Variants in PPP1R3B observed in about 807,000 individuals in gnomAD.
The protein encoded by PPP1R3B is protein phosphatase 1 regulatory subunit 3B.
A neutral mutation model predicts 14.6 loss-of-function variants in PPP1R3B; 8 were observed. The observed-to-expected ratio is 0.55, with a 90% CI of 0.32 to 0.99. The LOEUF is 0.99. Ranked by LOEUF, PPP1R3B falls within the 50% of genes least tolerant of loss-of-function variation. The pLI is 0.04. For synonymous variants in PPP1R3B, 169 were observed against 142.0 expected (o/e 1.19, Z -1.35); for missense variants, 452 against 360.1 (o/e 1.26, Z -2.07).
chr8:9,151,224 G>T (rs1168756427), upstream of PPP1R3B: 1 of 152,602 alleles, frequency 6.6e-6, no homozygotes, highest in Non-Finnish European at 1.5e-5. Context: ...CAGCCCCGGT[G>T]TGCCAGTGCA....
intron 1 of PPP1R3B, among the ~76,000 whole-genome samples, chr8:9,143,922 A>C (rs879761453): frequency 6.6e-6 from 1 of 152,176 alleles, no homozygotes; most frequent in Non-Finnish European, 1.5e-5. Flanking sequence ...AAACTGTGAA[A>C]ATATTTTACA....
In PPP1R3B at chr8:9,139,828, C is replaced by G. The variant is rs1023506388; in HGVS notation, c.*966G>C. 1 of 152,302 alleles carries G rather than the reference C, an allele frequency of 6.6e-6. No homozygotes were observed. The highest frequency in any genetic ancestry group is 2.4e-5 in the African/African-American group (1 of 41,468). 9.4% of individuals were successfully genotyped at this position (152,302 alleles called of 1,614,324 possible). A position where few individuals can be genotyped will look rare whatever the true frequency, so the allele number is the denominator to read the frequency against. On this transcript the variant is annotated 3_prime_UTR_variant, in exon 2 of 2. Coordinates refer to ENST00000310455, the MANE Select transcript of PPP1R3B (RefSeq NM_024607.4). ...CCTCCCAAAGTGCTGGGATTACAGG[C>G]ATAAGCCACCGCGCCCGGCCCCAAA...
At position 9,140,969 on chromosome 8, in the gene PPP1R3B, T is replaced by C. The variant is rs1801059681; in HGVS notation, c.683A>G (p.Lys228Arg). 1 of 1,614,116 alleles carries C rather than the reference T, an allele frequency of 6.2e-7. No homozygotes were observed. Among genetic ancestry groups the C allele is most frequent in the Admixed American group, 1.7e-5 (1 of 60,008 alleles). The change falls in exon 2 of 2, where the codon AAG (lysine) becomes AGG (arginine). Residue 228 changes from lysine to arginine, a missense_variant. Coordinates refer to ENST00000310455, the MANE Select transcript of PPP1R3B (RefSeq NM_024607.4). ...CTCAGCCCGGATGATCCTATAGTTC[T>C]TGCCTCTGTTGCTGTCCCAGTACGT... ...GQTYWDSNRG[K>R]NYRIIRAELK... is the part of the protein sequence containing the mutation.
chr8:9,146,987 A>ATT (rs879277011), intron 1 of PPP1R3B, among the ~76,000 whole-genome samples: 1 of 147,206 alleles, frequency 6.8e-6, no homozygotes, highest in Non-Finnish European at 1.5e-5. Context: ...CTTATTTTTA[A>ATT]TTTTTTTTTT....
At chr8:9,142,724 T>C (rs556497872) in intron 1 of PPP1R3B, among the ~76,000 whole-genome samples, 3 of 152,118 alleles carry the variant, frequency 2.0e-5, no homozygotes, top group African/African-American at 7.2e-5. Context: ...TTCTATGAGT[T>C]TGACTTTTTC....
intron 1 of PPP1R3B, among the ~76,000 whole-genome samples, chr8:9,142,658 A>T (rs1324415593): frequency 6.6e-6 from 1 of 152,042 alleles, no homozygotes; most frequent in African/African-American, 2.4e-5. Context: ...TGGCCAAAGG[A>T]TACCTCTCCA....
In PPP1R3B at chr8:9,139,855, T is replaced by C. The variant is rs1801011295; in HGVS notation, c.*939A>G. On this transcript the variant is annotated 3_prime_UTR_variant, in exon 2 of 2. Coordinates refer to ENST00000310455, the MANE Select transcript of PPP1R3B (RefSeq NM_024607.4). ...TAAGCCACCGCGCCCGGCCCCAAAA[T>C]TCTTTCATAAAGAATGAGACAAACC... 2 of 152,214 alleles carry C rather than the reference T, an allele frequency of 1.3e-5. No homozygotes were observed. Among genetic ancestry groups the C allele is most frequent in the African/African-American group, 4.8e-5 (2 of 41,440 alleles). 9.4% of individuals were successfully genotyped at this position (152,214 alleles called of 1,614,324 possible).
chr8:9,141,647 A>G lies in PPP1R3B; in HGVS notation c.5T>C (p.Met2Thr), dbSNP rs1410132710. The G allele has an allele frequency of 6.2e-7, 1 of 1,613,042 alleles. No homozygotes were observed. The highest frequency in any genetic ancestry group is 2.2e-5 in the East Asian group (1 of 44,860). M[M>T]AVDIEYRYNC... ...GTATCTGTACTCGATGTCCACAGCC[A>G]TCATGGGGCTAGATGAACAGGCTAG... is the stretch of plus-strand genomic sequence containing the variant. Residue 2 changes from methionine (M) to threonine (T), a missense_variant, in exon 2 of 2, where the codon ATG becomes ACG. Transcript: ENST00000310455.
chr8:9,142,917 C>T (rs1801130557), intron 1 of PPP1R3B, among the ~76,000 whole-genome samples: 1 of 152,196 alleles, frequency 6.6e-6, no homozygotes, highest in Non-Finnish European at 1.5e-5. Flanking sequence ...CAATGATGGG[C>T]ACTTAGGTTG....
chr8:9,140,920 G>C lies in PPP1R3B; in HGVS notation c.732C>G (p.Thr244=). Residue 244 remains threonine (T), a synonymous_variant, in exon 2 of 2, where the codon ACC becomes ACG. Coordinates refer to ENST00000310455, the MANE Select transcript of PPP1R3B (RefSeq NM_024607.4). ...CCAAATCCGGTCCACTGTGGGGCTT[G>C]GTCATTCCCTGGGTAGATTTTAACT... ...RAELKSTQGM[T]KPHSGPDLGI... is the part of the protein sequence containing the mutation. 1.2e-6 allele frequency: 2 copies of C among 1,614,200 alleles called. No individual in the cohort carries two copies. The highest frequency in any genetic ancestry group is 1.7e-6 in the Non-Finnish European group (2 of 1,180,034).
At chr8:9,144,185 CTT>C (rs1007236802) in intron 1 of PPP1R3B, among the ~76,000 whole-genome samples, 16 of 135,024 alleles carry the variant, frequency 1.2e-4, no homozygotes, top group Middle Eastern at 3.8e-3. Context: ...ACAAGTTTTT[CTT>C]TTTTTTTTTT....
chr8:9,140,806 C>T lies in PPP1R3B; in HGVS notation c.846G>A (p.Gly282=). 16 of 1,613,996 alleles carry T rather than the reference C, an allele frequency of 9.9e-6. No homozygotes were observed. Among genetic ancestry groups the T allele is most frequent in the Non-Finnish European group, 1.4e-5 (16 of 1,179,986 alleles). The change falls in exon 2 of 2, where the codon GGG becomes GGA. Residue 282 remains glycine, a synonymous_variant. Transcript: ENST00000310455. ...WPSYLGYEKL[G]PYY ...TCACCTGCAGTCACTAGTAGTAGGG[C>T]CCTAGCTTTTCATATCCTAAGTAAC... is the stretch of plus-strand genomic sequence containing the variant.
chr8:9,142,659 T>C lies in PPP1R3B; in HGVS notation c.-17-991A>G, dbSNP rs1399263501. 3.9e-5 allele frequency among the ~76,000 whole-genome samples: 6 copies of C among 152,168 alleles called. 1 individual carries two copies. Among genetic ancestry groups the C allele is most frequent in the Non-Finnish European group, 8.8e-5 (6 of 68,020 alleles). On this transcript the variant is annotated intron_variant, in intron 1 of 1. Transcript: ENST00000310455. The stretch of plus-strand genomic sequence containing the variant: ...AATTTTGTATCCTTTGGCCAAAGGA[T>C]ACCTCTCCAGTCCCTCTACCCTCAC...
chr8:9,140,713 C>A lies in PPP1R3B; in HGVS notation c.*81G>T. The A allele has an allele frequency of 6.8e-7, 1 of 1,480,842 alleles. No individual in the cohort carries two copies. The highest frequency in any genetic ancestry group is 9.2e-7 in the Non-Finnish European group (1 of 1,089,954). The allele number at this position is 1,480,842 out of a possible 1,614,324, so 91.7% of individuals were successfully genotyped here. The stretch of plus-strand genomic sequence containing the variant: ...CATGGAAGTTCCACGTTGCTCCTCC[C>A]TGGCCTTCCATCTCCACTGCACAGT... On this transcript the variant is annotated 3_prime_UTR_variant, in exon 2 of 2. Transcript: ENST00000310455.
chr8:9,140,779 T>G lies in PPP1R3B; in HGVS notation c.*15A>C. ...TGTCTGTGGCAGCTCCGCCACGCCC[T>G]GTCACCTGCAGTCACTAGTAGTAGG... On this transcript the variant is annotated 3_prime_UTR_variant, in exon 2 of 2. Coordinates refer to ENST00000310455, the MANE Select transcript of PPP1R3B (RefSeq NM_024607.4). 6.2e-6 allele frequency: 10 copies of G among 1,611,642 alleles called. No individual in the cohort carries two copies. Among genetic ancestry groups the G allele is most frequent in the Non-Finnish European group, 8.5e-6 (10 of 1,178,392 alleles).
Position 9,138,188 on chromosome 8 carries a change from G to C in PPP1R3B, c.*2606C>G, listed in dbSNP as rs922187531. ...ATCAGTTTTGCTTCCATTTGAGTTC[G>C]ATTTATGCTATTAATAGTTCTGATC... On this transcript the variant is annotated 3_prime_UTR_variant, in exon 2 of 2. Transcript: ENST00000310455. 6.6e-6 allele frequency: 1 copy of C among 152,072 alleles called. No individual in the cohort carries two copies. The highest frequency in any genetic ancestry group is 2.1e-4 in the South Asian group (1 of 4,826). The allele number at this position is 152,072 out of a possible 1,614,324, so 9.4% of individuals were successfully genotyped here.
rs1563121877 is a variant in PPP1R3B at position 9,137,297 on chromosome 8, G to A, written c.*3497C>T. Reference sequence around the variant, plus strand: ...ACCCAGTTTGCAAATGCTCCTCAGGGCACTTGAGGGAATAAATATAAAACA... The same window carrying A: ...ACCCAGTTTGCAAATGCTCCTCAGGACACTTGAGGGAATAAATATAAAACA... On this transcript the variant is annotated 3_prime_UTR_variant, in exon 2 of 2. Transcript: ENST00000310455. 6.6e-6 allele frequency: 1 copy of A among 152,094 alleles called. No homozygotes were observed. The highest frequency in any genetic ancestry group is 1.5e-5 in the Non-Finnish European group (1 of 68,028). The allele number at this position is 152,094 out of a possible 1,614,324, so 9.4% of individuals were successfully genotyped here.
At position 9,138,288 on chromosome 8, in the gene PPP1R3B, A is replaced by G. The variant is rs1800958515; in HGVS notation, c.*2506T>C. The G allele has an allele frequency of 6.6e-6, 1 of 152,236 alleles. No homozygotes were observed. Among genetic ancestry groups the G allele is most frequent in the Admixed American group, 6.5e-5 (1 of 15,278 alleles). 9.4% of individuals were successfully genotyped at this position (152,236 alleles called of 1,614,324 possible). A position where few individuals can be genotyped will look rare whatever the true frequency, so the allele number is the denominator to read the frequency against. On this transcript the variant is annotated 3_prime_UTR_variant, in exon 2 of 2. Coordinates refer to ENST00000310455, the MANE Select transcript of PPP1R3B (RefSeq NM_024607.4). ...GTTTACATAAAACGTGGTTCTGCCC[A>G]GTAACAGCATAAGGTAAAAATGTGA... is the stretch of plus-strand genomic sequence containing the variant.
intron 1 of PPP1R3B, among the ~76,000 whole-genome samples, chr8:9,144,539 T>C (rs1324354415): frequency 6.6e-6 from 1 of 152,190 alleles, no homozygotes. Flanking sequence ...AACTTTCTAA[T>C]TTTTTAATCA....
Sources: allele counts gnomAD v4.1 joint callset (sites outside exome capture counted in the v4.1 genomes callset), GRCh38; gene constraint gnomAD v4.1.1; transcripts MANE v1.5; gene names NCBI Gene and HGNC (gene_info 2026-07-23, HGNC 2026-07-21).